BICD2: variants seen among roughly 807,000 people sequenced by gnomAD.
BICD2 encodes the protein protein bicaudal D homolog 2.
A neutral mutation model predicts 72.9 loss-of-function variants in BICD2; 25 were observed. That is an observed-to-expected ratio of 0.34 (90% CI 0.25 to 0.48). The LOEUF (loss-of-function observed/expected upper bound fraction) is 0.48, where lower values mean the gene tolerates loss of function less well. Among genes scored for constraint, BICD2 ranks in the 20% least tolerant of loss-of-function variants. The pLI, the probability that BICD2 is intolerant of heterozygous loss-of-function variation, is 0.99. For missense variants in BICD2, 894 were observed against 1,175.2 expected, an observed-to-expected ratio of 0.76 and a Z score of 3.50; for synonymous variants, 501 against 516.1, an observed-to-expected ratio of 0.97 and a Z score of 0.40.
intron 1 of BICD2, among the ~76,000 whole-genome samples, chr9:92,737,360 G>T (rs1853809657): frequency 6.6e-6 from 1 of 152,266 alleles, no homozygotes; most frequent in Admixed American, 6.5e-5. Context: ...CTCCTCTCCA[G>T]GCATCCCACT....
At chr9:92,728,336 A>T (rs1853607695) in intron 2 of BICD2, among the ~76,000 whole-genome samples, 1 of 152,186 alleles carries the variant, frequency 6.6e-6, no homozygotes, top group Admixed American at 6.5e-5. Context: ...CAAGTCATGC[A>T]CGGACTTGGA....
intron 1 of BICD2, among the ~76,000 whole-genome samples, chr9:92,759,185 C>T (rs1342813331): frequency 2.6e-5 from 4 of 152,086 alleles, no homozygotes; most frequent in African/African-American, 9.7e-5. Flanking sequence ...CTCAGAGTAG[C>T]AACAAACTAA....
chr9:92,722,441 A>G (rs560084396), intron 3 of BICD2, among the ~76,000 whole-genome samples: 2 of 152,234 alleles, frequency 1.3e-5, no homozygotes, highest in Admixed American at 6.5e-5. Context: ...CAGCCTGGCC[A>G]ATGTCAGCAA....
intron 1 of BICD2, among the ~76,000 whole-genome samples, chr9:92,739,367 C>G (rs889697868): frequency 1.3e-5 from 2 of 152,236 alleles, no homozygotes; most frequent in African/African-American, 4.8e-5. Context: ...GTAGCCCAGA[C>G]AGTCAGCTGA....
intron 1 of BICD2, among the ~76,000 whole-genome samples, chr9:92,750,544 A>G (rs1854125810): frequency 6.6e-6 from 1 of 152,206 alleles, no homozygotes; most frequent in Non-Finnish European, 1.5e-5. Flanking sequence ...GAAAAGGGCT[A>G]CATACTGTAT....
In BICD2 at chr9:92,762,877, A is replaced by G. The variant is rs116173917; in HGVS notation, c.240+1628T>C. 2.3e-3 allele frequency among the ~76,000 whole-genome samples: 356 copies of G among 152,268 alleles called. 1 individual carries two copies. Among genetic ancestry groups the G allele is most frequent in the African/African-American group, 8.2e-3 (341 of 41,544 alleles). ...CAGAGGGAAAAGCGCCCTAACAGAT[A>G]GTGCTGCCTGCTGGAGAGGGTGAGC... On this transcript the variant is annotated intron_variant, in intron 1 of 6. Coordinates refer to ENST00000356884, the MANE Select transcript of BICD2 (RefSeq NM_001003800.2).
chr9:92,756,171 G>C (rs1854251429), intron 1 of BICD2, among the ~76,000 whole-genome samples: 1 of 152,190 alleles, frequency 6.6e-6, no homozygotes. Context: ...GTAAAGGCTG[G>C]GGCGACAGAT....
rs1854450251 is a variant in BICD2, at chr9:92,764,801, A to AGCAGCC, written c.-58_-57insGGCTGC. On this transcript the variant is annotated 5_prime_UTR_variant, in exon 1 of 7. Transcript: ENST00000356884. The surrounding 1 kb of genome is among the most constrained non-coding windows in gnomAD (Gnocchi z 5.5). ...GGCTCTCGCAGGCCGGGCCCTCCTC[A>AGCAGCC]GCCGCCGCCGCTGCCGCCGCCGCCG... 4 of 1,235,360 alleles carry AGCAGCC rather than the reference A, an allele frequency of 3.2e-6. No individual in the cohort carries two copies. The highest frequency in any genetic ancestry group is 4.1e-5 in the East Asian group (1 of 24,410). 76.5% of individuals were successfully genotyped at this position (1,235,360 alleles called of 1,614,324 possible).
intron 2 of BICD2, among the ~76,000 whole-genome samples, chr9:92,724,656 C>T (rs750419327): frequency 2.0e-5 from 3 of 152,174 alleles, no homozygotes; most frequent in Non-Finnish European, 2.9e-5. Context: ...ACCAGCACAG[C>T]CATCACCAGG....
intron 1 of BICD2, among the ~76,000 whole-genome samples, chr9:92,735,915 C>G (rs1055136884): frequency 6.6e-6 from 1 of 152,200 alleles, no homozygotes; most frequent in Non-Finnish European, 1.5e-5. Context: ...CCTCTTCATT[C>G]ACCGTAAGGG....
At chr9:92,748,776 C>T (rs1027362881) in intron 1 of BICD2, among the ~76,000 whole-genome samples, 1 of 152,146 alleles carries the variant, frequency 6.6e-6, no homozygotes, top group Non-Finnish European at 1.5e-5. Context: ...GGGTCCAGGG[C>T]CCCCAGGAGC....
rs1057523240 is a variant in BICD2, at chr9:92,722,731, C to G, written c.531G>C (p.Leu177=). The G allele has an allele frequency of 5.6e-6, 9 of 1,614,104 alleles. No individual in the cohort carries two copies. Among genetic ancestry groups the G allele is most frequent in the Non-Finnish European group, 7.6e-6 (9 of 1,180,048 alleles). ...CCTCCAGTTCCGAGTAGTCCTGCAG[C>G]AGACGAGCTTCCCGGAATTTGTACT... The part of the protein sequence containing the change: ...IKEYKFREAR[L]LQDYSELEEE... Residue 177 remains leucine, a synonymous_variant, in exon 3 of 7, where the codon CTG becomes CTC. Transcript: ENST00000356884.
chr9:92,714,509 C>T lies in BICD2; in HGVS notation c.*645G>A. 1.0e-6 allele frequency: 1 copy of T among 985,502 alleles called. No individual in the cohort carries two copies. The highest frequency in any genetic ancestry group is 1.2e-6 in the Non-Finnish European group (1 of 829,962). The allele number at this position is 985,502 out of a possible 1,614,324, so 61.0% of individuals were successfully genotyped here. On this transcript the variant is annotated 3_prime_UTR_variant, in exon 7 of 7. Coordinates refer to ENST00000356884, the MANE Select transcript of BICD2 (RefSeq NM_001003800.2). ...GAGCTCTGGATTCCTGGGTTATGGT[C>T]AGCTGTGTCTGTGCCATGTGTGTCT...
intron 1 of BICD2, among the ~76,000 whole-genome samples, chr9:92,755,187 G>C (rs537263231): frequency 6.6e-6 from 1 of 152,324 alleles, no homozygotes; most frequent in African/African-American, 2.4e-5. Context: ...ATAGACTCCA[G>C]TTTCCCATAG....
chr9:92,716,042 T>G (rs898067479), intron 6 of BICD2, among the ~76,000 whole-genome samples: 24 of 152,276 alleles, frequency 1.6e-4, no homozygotes, highest in South Asian at 1.5e-3. Context: ...TGGGAGGGTG[T>G]GGTCTGTCCC....
Position 92,722,745 on chromosome 9 carries a change from G to C in BICD2, c.517C>G (p.Arg173Gly), listed in dbSNP as rs759594542. The C allele has an allele frequency of 1.2e-6, 2 of 1,614,052 alleles. No individual in the cohort carries two copies. Among genetic ancestry groups the C allele is most frequent in the Admixed American group, 1.7e-5 (1 of 60,004 alleles). The change falls in exon 3 of 7, where the codon CGG (arginine) becomes GGG (glycine). Residue 173 changes from arginine to glycine, a missense_variant. Around this residue, in one of 5 missense-constraint regions of BICD2, gnomAD observed 192 missense variants for 243.6 expected, o/e 0.79. Coordinates refer to ENST00000356884, the MANE Select transcript of BICD2 (RefSeq NM_001003800.2). ...TAGTCCTGCAGCAGACGAGCTTCCCGGAATTTGTACTCCTTGATGTCATCC... is the reference window on the plus strand; with the variant it reads ...TAGTCCTGCAGCAGACGAGCTTCCCCGAATTTGTACTCCTTGATGTCATCC... ...LRDDIKEYKF[R>G]EARLLQDYSE...
chr9:92,713,724 T>A lies in BICD2; in HGVS notation c.*1430A>T, dbSNP rs1853240627. 8 of 1,367,568 alleles carry A rather than the reference T, an allele frequency of 5.8e-6. No individual in the cohort carries two copies. In the South Asian group the frequency reaches 1.3e-4, roughly 21 times the overall value. The allele number at this position is 1,367,568 out of a possible 1,614,324, so 84.7% of individuals were successfully genotyped here. A position where few individuals can be genotyped will look rare whatever the true frequency, so the allele number is the denominator to read the frequency against. On this transcript the variant is annotated 3_prime_UTR_variant, in exon 7 of 7. Coordinates refer to ENST00000356884, the MANE Select transcript of BICD2 (RefSeq NM_001003800.2). ...ATGCCAGCAGCCATCCCACTGCGAG[T>A]CTTGCTGGGGCAGGGGGATCTGGGC...
chr9:92,737,172 T>C (rs1156421455), intron 1 of BICD2, among the ~76,000 whole-genome samples: 1 of 152,152 alleles, frequency 6.6e-6, no homozygotes, highest in Non-Finnish European at 1.5e-5. Flanking sequence ...CCAATCACAA[T>C]GTGCCTCGAT....
In BICD2 at chr9:92,764,419, C is replaced by T; in HGVS notation, c.240+86G>A. On this transcript the variant is annotated intron_variant, in intron 1 of 6. Transcript: ENST00000356884. The surrounding 1 kb of genome is among the most constrained non-coding windows in gnomAD (Gnocchi z 5.5). ...CCCCTGCCGGCCCCCGCTTGGCAAG[C>T]TGACCTTGGCCGCCCTGGTGCCAGG... is the stretch of plus-strand genomic sequence containing the variant. 4.4e-6 allele frequency: 6 copies of T among 1,368,306 alleles called. No homozygotes were observed. Among genetic ancestry groups the T allele is most frequent in the Non-Finnish European group, 5.6e-6 (6 of 1,064,162 alleles). 84.8% of individuals were successfully genotyped at this position (1,368,306 alleles called of 1,614,324 possible).
Sources: allele counts gnomAD v4.1 joint callset (sites outside exome capture counted in the v4.1 genomes callset), GRCh38; gene constraint gnomAD v4.1.1; regional missense constraint gnomAD v4.1.1; non-coding constraint Gnocchi (gnomAD v3.1); transcripts MANE v1.5; gene names NCBI Gene and HGNC (gene_info 2026-07-23, HGNC 2026-07-21).